CNTNAP2: variants seen among roughly 807,000 people sequenced by gnomAD.
CNTNAP2 encodes the protein contactin-associated protein-like 2.
CNTNAP2 carries 98 observed loss-of-function variants against 155.2 expected under a neutral mutation model. That is an observed-to-expected ratio of 0.63 (90% confidence interval 0.54 to 0.75). The LOEUF is 0.75. CNTNAP2 is among the 30% of genes least tolerant of loss of function. CNTNAP2 has a pLI of 0.00. For missense variants in CNTNAP2, 1,727 were observed against 1,688.1 expected (o/e 1.02, Z -0.40); for synonymous variants, 651 against 631.2 (o/e 1.03, Z -0.47).
chr7:146,687,247 G>T (rs541718280), intron 1 of CNTNAP2, among the ~76,000 whole-genome samples: 30 of 152,114 alleles, frequency 2.0e-4, no homozygotes, highest in Non-Finnish European at 4.1e-4. Flanking sequence ...AGGCCCTGTG[G>T]TTAAACTGCC....
At chr7:146,405,509 A>G (rs1795778304) in intron 1 of CNTNAP2, among the ~76,000 whole-genome samples, 2 of 152,216 alleles carry the variant, frequency 1.3e-5, no homozygotes, top group Non-Finnish European at 2.9e-5. Flanking sequence ...TTTTTCTGAG[A>G]TATATAAGGG....
chr7:146,967,040 A>G (rs1797672143), intron 3 of CNTNAP2, among the ~76,000 whole-genome samples: 1 of 152,152 alleles, frequency 6.6e-6, no homozygotes, highest in Admixed American at 6.5e-5. Context: ...GGTGAAAGGA[A>G]GGGGAAAAAT....
intron 13 of CNTNAP2, among the ~76,000 whole-genome samples, chr7:147,714,462 CAA>C (rs572649994): frequency 7.0e-6 from 1 of 143,034 alleles, no homozygotes. Flanking sequence ...AGTTTTTGTT[CAA>C]AAAAAAAAGA....
chr7:147,725,323 AT>A (rs1466619793), intron 13 of CNTNAP2, among the ~76,000 whole-genome samples: 5 of 152,098 alleles, frequency 3.3e-5, no homozygotes, highest in Non-Finnish European at 7.4e-5. Context: ...AGAACTGATC[AT>A]TTATTTGGAG....
intron 1 of CNTNAP2, among the ~76,000 whole-genome samples, chr7:146,611,685 C>T (rs1799140625): frequency 6.6e-6 from 1 of 152,158 alleles, no homozygotes; most frequent in Non-Finnish European, 1.5e-5. Flanking sequence ...TCTGTCTCTT[C>T]AGTGAGAGGT....
intron 8 of CNTNAP2, among the ~76,000 whole-genome samples, chr7:147,134,980 G>C (rs2129285834): frequency 6.6e-6 from 1 of 151,962 alleles, no homozygotes; most frequent in African/African-American, 2.4e-5. Flanking sequence ...GTAATATAGA[G>C]ACTCTCAGAT....
At chr7:147,232,388 G>A (rs915384501) in intron 8 of CNTNAP2, among the ~76,000 whole-genome samples, 6 of 152,136 alleles carry the variant, frequency 3.9e-5, no homozygotes, top group African/African-American at 1.4e-4. Context: ...CAGCCAAAAC[G>A]CTCCTGGGAA....
intron 1 of CNTNAP2, among the ~76,000 whole-genome samples, chr7:146,432,457 A>G (rs1218191118): frequency 1.3e-5 from 2 of 152,144 alleles, no homozygotes; most frequent in Non-Finnish European, 2.9e-5. Context: ...TTCTAAATAT[A>G]AATTCTCATT....
chr7:146,347,717 C>A (rs1410273748), intron 1 of CNTNAP2, among the ~76,000 whole-genome samples: 1 of 152,140 alleles, frequency 6.6e-6, no homozygotes, highest in African/African-American at 2.4e-5. Flanking sequence ...AGGCACCCAA[C>A]AAAACACCTT....
At chr7:148,091,579 G>A (rs914779663) in intron 15 of CNTNAP2, among the ~76,000 whole-genome samples, 3 of 152,090 alleles carry the variant, frequency 2.0e-5, no homozygotes, top group African/African-American at 7.2e-5. Context: ...TCAACAAATA[G>A]CAATGTTTGT....
At chr7:146,171,807 A>T (rs2116820433) in intron 1 of CNTNAP2, among the ~76,000 whole-genome samples, 1 of 152,218 alleles carries the variant, frequency 6.6e-6, no homozygotes, top group South Asian at 2.1e-4. Flanking sequence ...TTTTTGAATG[A>T]TGTGTTGATA....
intron 2 of CNTNAP2, among the ~76,000 whole-genome samples, chr7:146,832,102 A>G (rs1160574510): frequency 2.0e-5 from 3 of 152,300 alleles, no homozygotes; most frequent in South Asian, 2.1e-4. Flanking sequence ...CTTCTCATAG[A>G]TCACATGACC....
intron 21 of CNTNAP2, chr7:148,339,348 A>T (rs575967643): frequency 1.8e-4 from 28 of 152,116 alleles, no homozygotes; most frequent in African/African-American, 6.0e-4. Context: ...ACTCCAGTCC[A>T]GATATTGGCT....
chr7:146,764,532 A>G (rs897145592), intron 1 of CNTNAP2, among the ~76,000 whole-genome samples: 2 of 150,108 alleles, frequency 1.3e-5, no homozygotes, highest in East Asian at 3.9e-4. Flanking sequence ...AGCTTAATTT[A>G]AAAAAAAAGC....
At chr7:146,118,223 A>G (rs1007522651) in intron 1 of CNTNAP2, among the ~76,000 whole-genome samples, 3 of 152,180 alleles carry the variant, frequency 2.0e-5, no homozygotes, top group Non-Finnish European at 4.4e-5. Flanking sequence ...TAAGTACAGT[A>G]TTAGCTTTTC....
chr7:146,205,639 C>G (rs1798934119), intron 1 of CNTNAP2, among the ~76,000 whole-genome samples: 2 of 151,050 alleles, frequency 1.3e-5, no homozygotes, highest in Non-Finnish European at 3.0e-5. Flanking sequence ...TAAATAATTC[C>G]CCACACTCAG....
At chr7:147,304,090 C>T (rs1794986991) in intron 9 of CNTNAP2, among the ~76,000 whole-genome samples, 1 of 152,138 alleles carries the variant, frequency 6.6e-6, no homozygotes, top group Non-Finnish European at 1.5e-5. Flanking sequence ...CAGGCTGGGC[C>T]GTTTCACTCC....
intron 2 of CNTNAP2, among the ~76,000 whole-genome samples, chr7:146,832,748 T>C (rs1431636455): frequency 6.6e-6 from 1 of 151,726 alleles, no homozygotes; most frequent in Non-Finnish European, 1.5e-5. Flanking sequence ...CAGGCTGGAG[T>C]ACAGTGGTGC....
In CNTNAP2 at chr7:148,198,427, T is replaced by G. The variant is rs867835401; in HGVS notation, c.3011-18861T>G. On this transcript the variant is annotated intron_variant, in intron 18 of 23. Coordinates refer to ENST00000361727, the MANE Select transcript of CNTNAP2 (RefSeq NM_014141.6). ...TAGATTCTTAACTGCCTTGAGTGCTTTTAAGGGACTCCTTCTGTGGGGGCT... is the reference window on the plus strand; with the variant it reads ...TAGATTCTTAACTGCCTTGAGTGCTGTTAAGGGACTCCTTCTGTGGGGGCT... Among the ~76,000 whole-genome samples the G allele has an allele frequency of 2.6e-5, 4 of 152,312 alleles. No homozygotes were observed. In the South Asian group the frequency reaches 8.3e-4, roughly 32 times the overall value.
Sources: gnomAD v4.1 joint callset for allele counts (sites outside exome capture counted in the v4.1 genomes callset) on GRCh38, gnomAD v4.1.1 for gene constraint, MANE v1.5 for transcripts, NCBI Gene and HGNC (gene_info 2026-07-23, HGNC 2026-07-21) for gene names.